Variants in UNC5D observed in about 807,000 individuals in gnomAD.
The protein encoded by UNC5D is unc-5 netrin receptor D, also known as netrin receptor UNC5D.
UNC5D carries 39 observed loss-of-function variants against 105.4 expected under a neutral mutation model. That is an observed-to-expected ratio of 0.37 (90% CI 0.29 to 0.48). The LOEUF (loss-of-function observed/expected upper bound fraction) is 0.48, where lower values mean the gene tolerates loss of function less well. Among genes scored for constraint, UNC5D ranks in the 20% least tolerant of loss-of-function variants. The pLI is 0.98. For synonymous variants in UNC5D, 452 were observed against 450.4 expected (o/e 1.00, Z -0.04); for missense variants, 991 against 1,202.4 (o/e 0.82, Z 2.60).
At chr8:35,300,117 A>G (rs930369877) in intron 1 of UNC5D, among the ~76,000 whole-genome samples, 38 of 152,064 alleles carry the variant, frequency 2.5e-4, no homozygotes, top group Admixed American at 1.1e-3. Flanking sequence ...GAGGAAGAAC[A>G]GCACTTCTCT....
chr8:35,643,303 T>C (rs2131142673), intron 4 of UNC5D, among the ~76,000 whole-genome samples: 2 of 152,206 alleles, frequency 1.3e-5, no homozygotes, highest in East Asian at 3.9e-4. Context: ...CCACCCTAAT[T>C]CTGTCCTCAT....
intron 3 of UNC5D, among the ~76,000 whole-genome samples, chr8:35,588,046 AC>A (rs1818908178): frequency 1.4e-5 from 2 of 146,150 alleles, no homozygotes; most frequent in African/African-American, 5.0e-5. Flanking sequence ...GTATTTTTAA[AC>A]CACATTTAAA....
At chr8:35,589,799 A>C (rs1459129178) in intron 3 of UNC5D, among the ~76,000 whole-genome samples, 2 of 152,160 alleles carry the variant, frequency 1.3e-5, no homozygotes, top group African/African-American at 4.8e-5. Context: ...AGCATTTTTA[A>C]GATTCATCTA....
chr8:35,790,719 T>C lies in UNC5D; in HGVS notation c.*156T>C, dbSNP rs1802999768. ...TTGAAGAAACTAAATTTTATATAGG[T>C]AAAACATGTTAATAGGGAAGAGTAC... On this transcript the variant is annotated 3_prime_UTR_variant, in exon 17 of 17. Coordinates refer to ENST00000404895, the MANE Select transcript of UNC5D (RefSeq NM_080872.4). 2.8e-6 allele frequency: 2 copies of C among 714,764 alleles called. No homozygotes were observed. The highest frequency in any genetic ancestry group is 2.3e-6 in the Non-Finnish European group (1 of 430,912). The allele number at this position is 714,764 out of a possible 1,614,324, so 44.3% of individuals were successfully genotyped here.
chr8:35,782,527 G>T (rs1055099692), intron 16 of UNC5D, among the ~76,000 whole-genome samples: 2 of 140,816 alleles, frequency 1.4e-5, no homozygotes, highest in African/African-American at 5.4e-5. Flanking sequence ...TTTTTGAGAC[G>T]GAGTCTCACC....
intron 7 of UNC5D, among the ~76,000 whole-genome samples, chr8:35,690,294 T>C (rs1357462447): frequency 6.6e-6 from 1 of 152,128 alleles, no homozygotes; most frequent in Non-Finnish European, 1.5e-5. Context: ...CTCCAGGATG[T>C]ATTCTGTCCT....
At chr8:35,461,579 T>C (rs887882264) in intron 1 of UNC5D, among the ~76,000 whole-genome samples, 4 of 152,174 alleles carry the variant, frequency 2.6e-5, no homozygotes, top group Admixed American at 6.5e-5. Flanking sequence ...TATCCCACCC[T>C]TTGAATATTG....
At chr8:35,464,174 A>C (rs2129709277) in intron 1 of UNC5D, among the ~76,000 whole-genome samples, 1 of 152,242 alleles carries the variant, frequency 6.6e-6, no homozygotes, top group Middle Eastern at 3.4e-3. Context: ...TAAAAGCACA[A>C]AAATTAGCCG....
At chr8:35,420,798 T>C (rs972878654) in intron 1 of UNC5D, among the ~76,000 whole-genome samples, 9 of 151,976 alleles carry the variant, frequency 5.9e-5, no homozygotes, top group Non-Finnish European at 8.8e-5. Flanking sequence ...ATAAAGTATA[T>C]ATATTTCTCT....
chr8:35,277,702 C>T (rs1805867572), intron 1 of UNC5D, among the ~76,000 whole-genome samples: 1 of 152,154 alleles, frequency 6.6e-6, no homozygotes, highest in Non-Finnish European at 1.5e-5. Context: ...CTTCTACTCT[C>T]ATGTCAGAGA....
chr8:35,515,076 A>G (rs925943087), intron 1 of UNC5D, among the ~76,000 whole-genome samples: 2 of 152,226 alleles, frequency 1.3e-5, no homozygotes, highest in South Asian at 2.1e-4. Context: ...CTGAAAGACT[A>G]GCTTCAGTGA....
intron 13 of UNC5D, among the ~76,000 whole-genome samples, chr8:35,754,442 G>T (rs528297836): frequency 1.2e-3 from 179 of 152,196 alleles, no homozygotes; most frequent in Non-Finnish European, 2.1e-3. Flanking sequence ...AACTCTAACT[G>T]TGCTGTTAAC....
At chr8:35,375,539 C>T (rs1802649666) in intron 1 of UNC5D, among the ~76,000 whole-genome samples, 1 of 135,678 alleles carries the variant, frequency 7.4e-6, no homozygotes, top group South Asian at 2.4e-4. Context: ...TGATGGCAAA[C>T]CAATGCCCAT....
At position 35,410,611 on chromosome 8, in the gene UNC5D, C is replaced by T. The variant is rs965483668; in HGVS notation, c.104-138681C>T. Among the ~76,000 whole-genome samples the T allele has an allele frequency of 3.9e-5, 6 of 152,034 alleles. No individual in the cohort carries two copies. The South Asian group carries it at 6.2e-4, about 16-fold the overall frequency. On this transcript the variant is annotated intron_variant, in intron 1 of 16. Transcript: ENST00000404895. ...AAAATTTTATTTTTCATCAGAGCAC[C>T]GTTTTTCAAAAGAAATCTTACCCAG... is the stretch of plus-strand genomic sequence containing the variant.
In UNC5D at chr8:35,365,729, G is replaced by A. The variant is rs375297131; in HGVS notation, c.103+129842G>A. On this transcript the variant is annotated intron_variant, in intron 1 of 16. Transcript: ENST00000404895. ...CAGGTACCAGGGGAAATGGGGAAGG[G>A]TATCACTGAATAGGAATAGAATCCT... 1.2e-4 allele frequency among the ~76,000 whole-genome samples: 19 copies of A among 152,104 alleles called. No homozygotes were observed. The East Asian group carries it at 3.7e-3, about 29-fold the overall frequency.
In UNC5D at chr8:35,635,986, A is replaced by G. The variant is rs373145197; in HGVS notation, c.570+40329A>G. Among the ~76,000 whole-genome samples, 18 of 152,322 alleles carry G rather than the reference A, an allele frequency of 1.2e-4. 1 individual carries two copies. The highest frequency in any genetic ancestry group is 4.3e-4 in the African/African-American group (18 of 41,590). The stretch of plus-strand genomic sequence containing the variant: ...ATAGGGGAGGAAACTATTGAGGAAG[A>G]AGGAAGCAGAAATCTCGGGAGATCT... On this transcript the variant is annotated intron_variant, in intron 4 of 16. Coordinates refer to ENST00000404895, the MANE Select transcript of UNC5D (RefSeq NM_080872.4).
At chr8:35,544,492 G>A in intron 1 of UNC5D, 1 of 1,613,790 alleles carries the variant, frequency 6.2e-7, no homozygotes, top group Non-Finnish European at 8.5e-7. Flanking sequence ...TCTGTGCTGG[G>A]ACTTCCGGGT....
intron 7 of UNC5D, among the ~76,000 whole-genome samples, chr8:35,693,776 T>C (rs906584120): frequency 2.0e-5 from 3 of 152,288 alleles, no homozygotes; most frequent in Middle Eastern, 3.4e-3. Flanking sequence ...CCACTATGCT[T>C]GCATTCTTTT....
At chr8:35,690,139 A>G (rs1355507454) in intron 7 of UNC5D, among the ~76,000 whole-genome samples, 1 of 152,158 alleles carries the variant, frequency 6.6e-6, no homozygotes, top group African/African-American at 2.4e-5. Flanking sequence ...GCATATTAGT[A>G]TATTTGTCAA....
Sources: allele counts gnomAD v4.1 joint callset (sites outside exome capture counted in the v4.1 genomes callset), GRCh38; gene constraint gnomAD v4.1.1; transcripts MANE v1.5; gene names NCBI Gene and HGNC (gene_info 2026-07-23, HGNC 2026-07-21).